Variants in ERC1 observed in about 807,000 individuals in gnomAD.
ERC1 encodes the protein ELKS/RAB6-interacting/CAST family member 1.
ERC1 carries 56 observed loss-of-function variants against 132.0 expected under a neutral mutation model. The observed-to-expected ratio is 0.42, with a 90% CI of 0.34 to 0.53. The LOEUF is 0.53. Among genes scored for constraint, ERC1 ranks in the 20% least tolerant of loss-of-function variants. ERC1 has a pLI of 0.03. For synonymous variants in ERC1, 478 were observed against 476.1 expected, an observed-to-expected ratio of 1.00 and a Z score of -0.05; for missense variants, 1,202 against 1,349.9, an observed-to-expected ratio of 0.89 and a Z score of 1.72.
intron 8 of ERC1, among the ~76,000 whole-genome samples, chr12:1,165,979 C>T (rs1952386751): frequency 6.6e-6 from 1 of 152,276 alleles, no homozygotes; most frequent in Non-Finnish European, 1.5e-5. Context: ...CAGTAACCTC[C>T]TTTTTGTCTC....
intron 18 of ERC1, among the ~76,000 whole-genome samples, chr12:1,452,065 G>C (rs887036292): frequency 6.6e-6 from 1 of 152,166 alleles, no homozygotes; most frequent in Non-Finnish European, 1.5e-5. Flanking sequence ...CTGGCTTCCA[G>C]AACTGTGAGA....
intron 17 of ERC1, among the ~76,000 whole-genome samples, chr12:1,424,864 CGATAGATAGATAGATAGATAGATAGATA>C (rs57661979): frequency 9.9e-6 from 1 of 100,950 alleles, no homozygotes; most frequent in Admixed American, 1.1e-4. Flanking sequence ...ATAGATAGAT[CGATAGATAGATAGATAGATAGATAGATA>C]GATAGATAGA....
intron 18 of ERC1, among the ~76,000 whole-genome samples, chr12:1,463,483 G>T (rs1032621559): frequency 5.3e-5 from 8 of 152,152 alleles, no homozygotes; most frequent in African/African-American, 1.4e-4. Flanking sequence ...GAATGTTTCT[G>T]ATCTGGTTTT....
intron 8 of ERC1, among the ~76,000 whole-genome samples, chr12:1,166,320 TG>T (rs1394414458): frequency 2.6e-5 from 4 of 152,200 alleles, no homozygotes; most frequent in Non-Finnish European, 4.4e-5. Context: ...AAGCTCTCTC[TG>T]TCTTTGCCTT....
intron 2 of ERC1, among the ~76,000 whole-genome samples, chr12:1,036,745 A>G (rs1307977751): frequency 6.6e-6 from 1 of 152,072 alleles, no homozygotes; most frequent in Non-Finnish European, 1.5e-5. Flanking sequence ...AAAATTTGGG[A>G]TCTATGTCTT....
chr12:1,011,087 C>T (rs1366574907), intron 1 of ERC1, among the ~76,000 whole-genome samples: 1 of 152,198 alleles, frequency 6.6e-6, no homozygotes, highest in Non-Finnish European at 1.5e-5. Flanking sequence ...GTGATAGCAA[C>T]TGCAAGTGCT....
chr12:1,138,226 C>A (rs1164566506), intron 7 of ERC1, among the ~76,000 whole-genome samples: 11 of 93,604 alleles, frequency 1.2e-4, no homozygotes, highest in East Asian at 9.8e-4. Flanking sequence ...TAATATATAT[C>A]ATGTATAATA....
intron 17 of ERC1, among the ~76,000 whole-genome samples, chr12:1,436,055 G>C (rs1018441732): frequency 1.3e-5 from 2 of 152,134 alleles, no homozygotes; most frequent in African/African-American, 4.8e-5. Context: ...TATCTGCATA[G>C]TCTGTTGTGT....
At position 1,141,628 on chromosome 12, in the gene ERC1, T is replaced by C; in HGVS notation, c.1578T>C (p.Ala526=). 6.2e-7 allele frequency: 1 copy of C among 1,608,200 alleles called. No homozygotes were observed. Among genetic ancestry groups the C allele is most frequent in the Non-Finnish European group, 8.5e-7 (1 of 1,177,448 alleles). ...RAAILQTEVD[A]LRLRLEEKET... is the part of the protein sequence containing the mutation. ...AACTCCTACATTCTTAGGTGGATGC[T>C]CTCCGATTGCGTTTGGAAGAGAAGG... The change falls in exon 8 of 19, where the codon GCT becomes GCC. Residue 526 remains alanine (A), a synonymous_variant. Coordinates refer to ENST00000360905, the MANE Select transcript of ERC1 (RefSeq NM_178040.4).
At chr12:1,014,172 G>GT (rs879649195) in intron 1 of ERC1, among the ~76,000 whole-genome samples, 1,820 of 147,164 alleles carry the variant, frequency 0.012, 17 homozygotes, top group Admixed American at 0.02. Context: ...AAAAATGTAA[G>GT]TTTTTTTTTT....
intron 15 of ERC1, among the ~76,000 whole-genome samples, chr12:1,342,247 C>G (rs112466949): frequency 6.6e-6 from 1 of 151,614 alleles, no homozygotes. Context: ...GGTGGATCAC[C>G]TGAGGTCAGG....
At chr12:1,196,838 C>CTCTCTCTCTCTCTCTG (rs1555299913) in intron 12 of ERC1, among the ~76,000 whole-genome samples, 6 of 99,396 alleles carry the variant, frequency 6.0e-5, no homozygotes, top group African/African-American at 9.1e-5. Context: ...CTCTGTCTGT[C>CTCTCTCTCTCTCTCTG]TCTCTGTCTG....
At chr12:1,395,587 T>C (rs865915888) in intron 16 of ERC1, among the ~76,000 whole-genome samples, 1 of 152,122 alleles carries the variant, frequency 6.6e-6, no homozygotes, top group African/African-American at 2.4e-5. Context: ...ATGAACATAC[T>C]CATTCTGGCA....
At chr12:1,484,583 CT>C (rs542712129) in intron 18 of ERC1, among the ~76,000 whole-genome samples, 3,036 of 137,996 alleles carry the variant, frequency 0.022, 94 homozygotes, top group African/African-American at 0.07. Context: ...TTTTCTTTTC[CT>C]TTTTTTTTTT....
chr12:1,435,346 A>C (rs1486844840), intron 17 of ERC1, among the ~76,000 whole-genome samples: 1 of 152,080 alleles, frequency 6.6e-6, no homozygotes, highest in Non-Finnish European at 1.5e-5. Context: ...AGAAGAAAGG[A>C]AGAGAATAAT....
intron 2 of ERC1, among the ~76,000 whole-genome samples, chr12:1,078,941 A>G (rs1414923769): frequency 6.6e-6 from 1 of 151,802 alleles, no homozygotes; most frequent in Non-Finnish European, 1.5e-5. Context: ...ATACAGATAG[A>G]AATGATTTGT....
chr12:1,124,197 C>G (rs1393652120), intron 7 of ERC1, among the ~76,000 whole-genome samples: 1 of 152,090 alleles, frequency 6.6e-6, no homozygotes, highest in Non-Finnish European at 1.5e-5. Flanking sequence ...CAAGAACTTA[C>G]TGAACAGTCG....
At position 1,388,275 on chromosome 12, in the gene ERC1, G is replaced by A. The variant is rs566311166; in HGVS notation, c.2925+16298G>A. On this transcript the variant is annotated intron_variant, in intron 16 of 18. Coordinates refer to ENST00000360905, the MANE Select transcript of ERC1 (RefSeq NM_178040.4). ...TGAGGCAGGAGAATGGTGTGAACCCGGGAGGCGGAGCTTGCAGTGAACTGA... is the reference window on the plus strand; with the variant it reads ...TGAGGCAGGAGAATGGTGTGAACCCAGGAGGCGGAGCTTGCAGTGAACTGA... Among the ~76,000 whole-genome samples, 60 of 151,148 alleles carry A rather than the reference G, an allele frequency of 4.0e-4. 1 individual carries two copies. In the East Asian group the frequency reaches 7.0e-3, roughly 18 times the overall value.
intron 8 of ERC1, among the ~76,000 whole-genome samples, chr12:1,158,418 C>A (rs947992573): frequency 6.6e-6 from 1 of 151,696 alleles, no homozygotes; most frequent in Non-Finnish European, 1.5e-5. Flanking sequence ...TAACTGTTCC[C>A]AGTTTTTTTG....
Sources: gnomAD v4.1 joint callset for allele counts (sites outside exome capture counted in the v4.1 genomes callset) on GRCh38, gnomAD v4.1.1 for gene constraint, MANE v1.5 for transcripts, NCBI Gene and HGNC (gene_info 2026-07-23, HGNC 2026-07-21) for gene names.